Variants in TBC1D19 observed in about 807,000 individuals in gnomAD.
TBC1D19 encodes TBC1 domain family, member 19.
Under a neutral mutation model 89.0 loss-of-function variants are expected in TBC1D19, and 60 were observed. That is an observed-to-expected ratio of 0.67 (90% CI 0.55 to 0.84). The LOEUF is 0.84. Ranked by LOEUF, TBC1D19 falls within the 40% of genes least tolerant of loss-of-function variation. The probability of loss-of-function intolerance (pLI) is 0.00; values close to 1 mark genes in which losing one functional copy is unlikely to be tolerated. For synonymous variants in TBC1D19, 189 were observed against 199.7 expected, an observed-to-expected ratio of 0.95 and a Z score of 0.45; for missense variants, 500 against 610.8, an observed-to-expected ratio of 0.82 and a Z score of 1.91.
intron 8 of TBC1D19, among the ~76,000 whole-genome samples, chr4:26,661,161 G>A (rs1489474942): frequency 6.6e-6 from 1 of 152,094 alleles, no homozygotes; most frequent in Non-Finnish European, 1.5e-5. Flanking sequence ...CAGAAGACCA[G>A]AGGTGTATTC....
chr4:26,839,469 A>G, the TBC1D19 span, among the ~76,000 whole-genome samples: 1 of 151,916 alleles, frequency 6.6e-6, no homozygotes, highest in Non-Finnish European at 1.5e-5. Context: ...CTCTTGCTTC[A>G]TTTCATGTTA....
chr4:26,715,168 A>G (rs999554320), intron 13 of TBC1D19, among the ~76,000 whole-genome samples: 2 of 152,036 alleles, frequency 1.3e-5, no homozygotes, highest in Non-Finnish European at 2.9e-5. Context: ...GATGTCTTGC[A>G]GACATCTCAA....
intron 13 of TBC1D19, among the ~76,000 whole-genome samples, chr4:26,694,793 G>A (rs913956032): frequency 1.3e-5 from 2 of 152,176 alleles, no homozygotes; most frequent in Admixed American, 6.5e-5. Context: ...GGTCTGGAGT[G>A]GACTTCCAGC....
chr4:26,788,208 G>C, the TBC1D19 span, among the ~76,000 whole-genome samples: 1 of 152,060 alleles, frequency 6.6e-6, no homozygotes, highest in Non-Finnish European at 1.5e-5. Flanking sequence ...TTACCACCAA[G>C]CAAACCACAC....
At chr4:26,644,905 G>C (rs1339295097) in intron 7 of TBC1D19, among the ~76,000 whole-genome samples, 1 of 152,140 alleles carries the variant, frequency 6.6e-6, no homozygotes, top group African/African-American at 2.4e-5. Flanking sequence ...ACAAACCACT[G>C]TTCAATGAAA....
chr4:26,837,022 G>A, the TBC1D19 span, among the ~76,000 whole-genome samples: 4 of 152,182 alleles, frequency 2.6e-5, no homozygotes, highest in South Asian at 2.1e-4. Flanking sequence ...ACAGGATAGC[G>A]GGAGAAGACA....
At chr4:26,686,825 CCA>C (rs1450355513) in intron 12 of TBC1D19, among the ~76,000 whole-genome samples, 1 of 152,066 alleles carries the variant, frequency 6.6e-6, no homozygotes, top group African/African-American at 2.4e-5. Flanking sequence ...TTCGCTAACC[CCA>C]GAGTCATCTA....
intron 14 of TBC1D19, among the ~76,000 whole-genome samples, chr4:26,719,314 T>C (rs916516375): frequency 6.6e-6 from 1 of 152,070 alleles, no homozygotes; most frequent in Non-Finnish European, 1.5e-5. Context: ...ACACTTCTTA[T>C]TCTTCATTTC....
chr4:26,666,462 T>A, intron 9 of TBC1D19, 57 bp downstream of exon 9: 1 of 1,408,610 alleles, frequency 7.1e-7, no homozygotes. Context: ...GCCTAAGGTT[T>A]ATATTGCTAT....
chr4:26,753,701 C>A, intron 19 of TBC1D19, 119 bp from the exon 20 acceptor site: 1 of 975,990 alleles, frequency 1.0e-6, no homozygotes, highest in Non-Finnish European at 1.6e-6. Context: ...GGGGTGTGGT[C>A]CGTTGTGTAA....
At chr4:26,714,977 G>A (rs2109255172) in intron 13 of TBC1D19, among the ~76,000 whole-genome samples, 1 of 152,076 alleles carries the variant, frequency 6.6e-6, no homozygotes, top group African/African-American at 2.4e-5. Context: ...TCAAGTCTCA[G>A]TTCTTGGTCT....
chr4:26,607,618 A>T (rs1741095048), intron 1 of TBC1D19, among the ~76,000 whole-genome samples: 1 of 152,324 alleles, frequency 6.6e-6, no homozygotes, highest in South Asian at 2.1e-4. Flanking sequence ...ATTATACCTA[A>T]GGATTCTGAT....
intron 11 of TBC1D19, among the ~76,000 whole-genome samples, chr4:26,679,688 C>A (rs1266486043): frequency 6.6e-6 from 1 of 152,234 alleles, no homozygotes; most frequent in Non-Finnish European, 1.5e-5. Context: ...GCTGCAGACA[C>A]CCAATGCCAG....
At chr4:26,672,109 T>G (rs542157447) in intron 9 of TBC1D19, 40 bp from the exon 10 acceptor site, 51 of 877,558 alleles carry the variant, frequency 5.8e-5, no homozygotes, top group Non-Finnish European at 7.9e-5. Context: ...TGATTGCTCA[T>G]ACTCATGTCT....
chr4:26,794,232 A>C, the TBC1D19 span, among the ~76,000 whole-genome samples: 3,416 of 152,302 alleles, frequency 0.022, 116 homozygotes, highest in African/African-American at 0.076. Flanking sequence ...TTATATTTTC[A>C]GGTTTATTTC....
chr4:26,602,534 G>A (rs575955500), intron 1 of TBC1D19, among the ~76,000 whole-genome samples: 20 of 149,118 alleles, frequency 1.3e-4, no homozygotes, highest in South Asian at 4.2e-4. Context: ...CGCCGCCTCC[G>A]GGTTCATGCC....
In TBC1D19 at chr4:26,677,521, C is replaced by T. The variant is rs1198560995; in HGVS notation, c.816+3633C>T. Among the ~76,000 whole-genome samples, 7 of 152,028 alleles carry T rather than the reference C, an allele frequency of 4.6e-5. 1 individual carries two copies. The East Asian group carries it at 9.6e-4, about 21-fold the overall frequency. ...ATTTTTCAGTAGAGACAGGGTTACA[C>T]CATGTTAGCCAGGATGGTCTTGATC... On this transcript the variant is annotated intron_variant, in intron 11 of 20. Coordinates refer to ENST00000264866, the MANE Select transcript of TBC1D19 (RefSeq NM_018317.4).
the TBC1D19 span, among the ~76,000 whole-genome samples, chr4:26,789,661 G>A: frequency 6.6e-6 from 1 of 152,250 alleles, no homozygotes; most frequent in Admixed American, 6.5e-5. Context: ...CTCAAGGAAT[G>A]AAAAATAGAT....
At chr4:26,580,083 A>G (rs186924227), upstream of TBC1D19, among the ~76,000 whole-genome samples, 1 of 152,326 alleles carries the variant, frequency 6.6e-6, no homozygotes, top group East Asian at 1.9e-4. Context: ...GCATAGAGTC[A>G]ACACGGTCCC....
Sources: allele counts gnomAD v4.1 joint callset (sites outside exome capture counted in the v4.1 genomes callset), GRCh38; gene constraint gnomAD v4.1.1; transcripts MANE v1.5; gene names NCBI Gene and HGNC (gene_info 2026-07-23, HGNC 2026-07-21).